The following VPS16 variants were observed in gnomAD, a reference collection of about 807,000 sequenced individuals.
VPS16 encodes the protein vacuolar protein sorting-associated protein 16 homolog.
A neutral mutation model predicts 116.0 loss-of-function variants in VPS16; 82 were observed. The observed-to-expected ratio is 0.71, with a 90% CI of 0.59 to 0.85. The LOEUF (loss-of-function observed/expected upper bound fraction) is 0.85, where lower values mean the gene tolerates loss of function less well. VPS16 is among the 40% of genes least tolerant of loss of function. The probability of loss-of-function intolerance (pLI) is 0.00; values close to 1 mark genes in which losing one functional copy is unlikely to be tolerated. For missense variants in VPS16, 928 were observed against 1,090.6 expected, an observed-to-expected ratio of 0.85 and a Z score of 2.10; for synonymous variants, 406 against 420.7, an observed-to-expected ratio of 0.96 and a Z score of 0.43.
intron 1 of VPS16, 112 bp downstream of exon 1, chr20:2,840,939 G>A: frequency 9.5e-7 from 1 of 1,050,354 alleles, no homozygotes; most frequent in East Asian, 3.0e-5. Context: ...TCCGCCCCGC[G>A]CCGGCTCTCC....
At chr20:2,862,032 A>G (rs1262123305) in intron 10 of VPS16, 22 bp from the exon 11 acceptor site, 1 of 1,612,736 alleles carries the variant, frequency 6.2e-7, no homozygotes, top group African/African-American at 1.3e-5. Context: ...TTTCTCCCTC[A>G]CTCACCAACT....
rs1046039370 is a variant in VPS16 at position 2,864,259 on chromosome 20, G to C, written c.1692G>C (p.Lys564Asn). ...AGAGGAGCAAACTGGCACTAAGCAAGGCCATCGAGAGCGGGGACACTGACC... is the reference window on the plus strand; with the variant it reads ...AGAGGAGCAAACTGGCACTAAGCAACGCCATCGAGAGCGGGGACACTGACC... Reference protein sequence around the residue: ...KMKRSKLALSKAIESGDTDLV... With the variant: ...KMKRSKLALSNAIESGDTDLV... Residue 564 changes from lysine to asparagine, a missense_variant, in exon 17 of 24, where the codon AAG becomes AAC. Coordinates refer to ENST00000380445, the MANE Select transcript of VPS16 (RefSeq NM_022575.4). This position sits in a 1 kb window ranked among gnomAD's most constrained non-coding sequence, Gnocchi z 5.2. 1 of 1,614,246 alleles carries C rather than the reference G, an allele frequency of 6.2e-7. No homozygotes were observed. The highest frequency in any genetic ancestry group is 2.2e-5 in the East Asian group (1 of 44,890).
chr20:2,851,786 G>A (rs1008134587), intron 1 of VPS16, among the ~76,000 whole-genome samples: 1 of 152,046 alleles, frequency 6.6e-6, no homozygotes, highest in Non-Finnish European at 1.5e-5. Context: ...TGGCTAACAC[G>A]GTGAAACCCC....
Position 2,862,940 on chromosome 20 carries a change from C to T in VPS16, c.1331+6C>T. On this transcript the variant is annotated splice_donor_region_variant and intron_variant, in intron 13 of 23. Transcript: ENST00000380445. ...ATCCCGCTCACCTATAGCCAGTATC[C>T]CTGTGCACGCCAGAAGGGTACCCTA... The T allele has an allele frequency of 6.2e-7, 1 of 1,613,756 alleles. No individual in the cohort carries two copies. Among genetic ancestry groups the T allele is most frequent in the Non-Finnish European group, 8.5e-7 (1 of 1,179,822 alleles).
chr20:2,864,424 C>T lies in VPS16; in HGVS notation c.1780C>T (p.Leu594Phe), dbSNP rs1287225241. The change falls in exon 18 of 24, where the codon CTT (leucine) becomes TTT (phenylalanine). Residue 594 changes from leucine to phenylalanine, a missense_variant. Physicochemically the swap from Leu to Phe is conservative, Grantham distance 22 (BLOSUM62 0). Transcript: ENST00000380445. This position sits in a 1 kb window ranked among gnomAD's most constrained non-coding sequence, Gnocchi z 5.2. Reference protein sequence around the residue: ...ELNRGDFFMTLRNQPMALSLY... With the variant: ...ELNRGDFFMTFRNQPMALSLY... ...GAACCGAGGAGATTTTTTCATGACC[C>T]TTCGGAATCAGCCCATGGCCCTCAG... 5 of 1,614,048 alleles carry T rather than the reference C, an allele frequency of 3.1e-6. No individual in the cohort carries two copies. The South Asian group carries it at 4.4e-5, about 14-fold the overall frequency.
At chr20:2,844,019 G>A (rs574945395) in intron 1 of VPS16, among the ~76,000 whole-genome samples, 11 of 152,182 alleles carry the variant, frequency 7.2e-5, no homozygotes, top group East Asian at 1.9e-4. Flanking sequence ...TGAGGAAGCC[G>A]AGGCACAGAG....
In VPS16 at chr20:2,860,102, C is replaced by CA; in HGVS notation, c.192dup (p.Val65SerfsTer30). On this transcript the variant is annotated frameshift_variant, in exon 3 of 24. Coordinates refer to ENST00000380445, the MANE Select transcript of VPS16 (RefSeq NM_022575.4). LOFTEE classifies it high-confidence loss of function. The surrounding 1 kb of genome is among the most constrained non-coding windows in gnomAD (Gnocchi z 6.1). ...AAGGAGAAAGCTGCTAGTGTGAGGC[C>CA]AGTGCTCGATATATACTCTGCTTCC... 6.2e-7 allele frequency: 1 copy of CA among 1,614,038 alleles called. No individual in the cohort carries two copies. The highest frequency in any genetic ancestry group is 8.5e-7 in the Non-Finnish European group (1 of 1,180,024).
chr20:2,847,614 G>A (rs1379647436), intron 1 of VPS16, among the ~76,000 whole-genome samples: 1 of 151,964 alleles, frequency 6.6e-6, no homozygotes, highest in East Asian at 1.9e-4. Context: ...GAGTAGCTGG[G>A]ATTACAGGCA....
rs371138180 is a variant in VPS16 at position 2,862,094 on chromosome 20, C to T, written c.1035C>T (p.Pro345=). 126 of 1,613,712 alleles carry T rather than the reference C, an allele frequency of 7.8e-5. No homozygotes were observed. The highest frequency in any genetic ancestry group is 9.9e-5 in the South Asian group (9 of 90,942). The change falls in exon 11 of 24, where the codon CCC becomes CCT. Residue 345 remains proline (P), a synonymous_variant. Coordinates refer to ENST00000380445, the MANE Select transcript of VPS16 (RefSeq NM_022575.4). ...EEIFKIASMA[P]GALLLEAQKE... Reference sequence around the variant, plus strand: ...TCTTCAAAATTGCCTCAATGGCCCCCGGGGCGCTGCTCCTGGAGGCTCAGA... The same window carrying T: ...TCTTCAAAATTGCCTCAATGGCCCCTGGGGCGCTGCTCCTGGAGGCTCAGA...
At position 2,866,417 on chromosome 20, in the gene VPS16, G is replaced by T. The variant is rs73083264; in HGVS notation, c.2376-13G>T. On this transcript the variant is annotated splice_polypyrimidine_tract_variant and intron_variant, in intron 23 of 23. Coordinates refer to ENST00000380445, the MANE Select transcript of VPS16 (RefSeq NM_022575.4). ...CAGCCCCAACACCACCTCCTCTCTT[G>T]CTCAAACCACAGCGATGTGGCTCAG... The T allele has an allele frequency of 8.2e-3, 13,231 of 1,614,122 alleles. 91 individuals carry two copies. Among genetic ancestry groups the T allele is most frequent in the Non-Finnish European group, 0.01 (12,127 of 1,179,996 alleles).
intron 1 of VPS16, among the ~76,000 whole-genome samples, chr20:2,857,088 A>G (rs1413420859): frequency 1.3e-5 from 2 of 150,546 alleles, no homozygotes; most frequent in Non-Finnish European, 3.0e-5. Flanking sequence ...AGCAATTCTC[A>G]TGCCTCAGCC....
intron 1 of VPS16, chr20:2,841,085 G>C: frequency 1.9e-6 from 1 of 536,332 alleles, no homozygotes; most frequent in Non-Finnish European, 3.3e-6. Flanking sequence ...AAGATGCTCA[G>C]ATCTCGCTGA....
Position 2,863,177 on chromosome 20 carries a change from C to A in VPS16, c.1367+77C>A. On this transcript the variant is annotated intron_variant, in intron 14 of 23. Coordinates refer to ENST00000380445, the MANE Select transcript of VPS16 (RefSeq NM_022575.4). The surrounding 1 kb of genome is among the most constrained non-coding windows in gnomAD (Gnocchi z 4.4). ...ACAGCCTTGGGTGGGGTCTTATGGT[C>A]ACTGCTCCTGACCTATCTAGGATGT... The A allele has an allele frequency of 6.2e-7, 1 of 1,612,264 alleles. No homozygotes were observed. The highest frequency in any genetic ancestry group is 1.1e-5 in the South Asian group (1 of 90,992).
Position 2,861,295 on chromosome 20 carries a change from G to C in VPS16, c.809+15G>C. ...CAGATGGTCTGGTAAGGATGGGGGT[G>C]TTATTGCTGGGGGTGTGGGTGAGAC... On this transcript the variant is annotated intron_variant, in intron 8 of 23. Coordinates refer to ENST00000380445, the MANE Select transcript of VPS16 (RefSeq NM_022575.4). 1 of 1,613,874 alleles carries C rather than the reference G, an allele frequency of 6.2e-7. No individual in the cohort carries two copies. Among genetic ancestry groups the C allele is most frequent in the Non-Finnish European group, 8.5e-7 (1 of 1,180,026 alleles).
intron 1 of VPS16, among the ~76,000 whole-genome samples, chr20:2,854,757 T>C (rs1459558856): frequency 6.1e-5 from 9 of 146,450 alleles, no homozygotes; most frequent in African/African-American, 1.8e-4. Flanking sequence ...GATTGCACCA[T>C]TGCACTCCAG....
At chr20:2,857,913 G>C (rs577245229) in intron 1 of VPS16, among the ~76,000 whole-genome samples, 238 of 152,176 alleles carry the variant, frequency 1.6e-3, no homozygotes, top group African/African-American at 5.4e-3. Flanking sequence ...GTTTCACCGT[G>C]TTGGCTAGAC....
In VPS16 at chr20:2,866,548, G is replaced by C. The variant is rs761259914; in HGVS notation, c.2494G>C (p.Ala832Pro). The change falls in exon 24 of 24, where the codon GCC (alanine) becomes CCC (proline). Residue 832 changes from alanine to proline, a missense_variant. Physicochemically the swap from Ala to Pro is conservative, Grantham distance 27 (BLOSUM62 -1). Coordinates refer to ENST00000380445, the MANE Select transcript of VPS16 (RefSeq NM_022575.4). ...GGCCACAGCTGACAAGATTCAACGG[G>C]CCAGGGCACAAGCCCAGAAGAAGTG... ...DGATADKIQR[A>P]RAQAQKK is the part of the protein sequence containing the mutation. 1 of 1,614,182 alleles carries C rather than the reference G, an allele frequency of 6.2e-7. No individual in the cohort carries two copies. The highest frequency in any genetic ancestry group is 1.7e-5 in the Admixed American group (1 of 60,024).
chr20:2,864,497 C>T lies in VPS16; in HGVS notation c.1818+35C>T, dbSNP rs2089293077. 1 of 1,614,008 alleles carries T rather than the reference C, an allele frequency of 6.2e-7. No homozygotes were observed. Among genetic ancestry groups the T allele is most frequent in the Non-Finnish European group, 8.5e-7 (1 of 1,180,008 alleles). On this transcript the variant is annotated intron_variant, in intron 18 of 23. Transcript: ENST00000380445. The surrounding 1 kb of genome is among the most constrained non-coding windows in gnomAD (Gnocchi z 5.2). ...GTGGGCAGGGTTGTGGTGTAGCCTT[C>T]TGAGCACTTGAGTTGGCCTTGCTGA...
chr20:2,842,844 C>CGATAGATAGATGTATCTATCGATA lies in VPS16; in HGVS notation c.53+2053_53+2076dup, dbSNP rs1568621011. On this transcript the variant is annotated intron_variant, in intron 1 of 23. Coordinates refer to ENST00000380445, the MANE Select transcript of VPS16 (RefSeq NM_022575.4). ...TAGATAGACATATAGATGTATCTAT[C>CGATAGATAGATGTATCTATCGATA]GATAGATAGATGTATCTATCGATAG... 2.4e-3 allele frequency among the ~76,000 whole-genome samples: 49 copies of CGATAGATAGATGTATCTATCGATA among 20,210 alleles called. 12 individuals carry two copies. The highest frequency in any genetic ancestry group is 3.0e-3 in the Non-Finnish European group (37 of 12,356). 13.3% of individuals were successfully genotyped at this position (20,210 alleles called of 152,430 possible). A position where few individuals can be genotyped will look rare whatever the true frequency, so the allele number is the denominator to read the frequency against.
Sources: gnomAD v4.1 joint callset for allele counts (sites outside exome capture counted in the v4.1 genomes callset) on GRCh38, gnomAD v4.1.1 for gene constraint, Gnocchi (gnomAD v3.1) non-coding constraint, MANE v1.5 for transcripts, NCBI Gene and HGNC (gene_info 2026-07-23, HGNC 2026-07-21) for gene names.